RFX3: variants seen among roughly 807,000 people sequenced by gnomAD.
RFX3 encodes the protein regulatory factor X3.
In RFX3, 14 loss-of-function variants were observed where a neutral mutation model predicts 98.6. The observed-to-expected ratio is 0.14, with a 90% confidence interval of 0.09 to 0.22. RFX3 has a LOEUF of 0.22. Among genes scored for constraint, RFX3 ranks in the 10% least tolerant of loss-of-function variants. The pLI, the probability that RFX3 is intolerant of heterozygous loss-of-function variation, is 1.00. For synonymous variants in RFX3, 383 were observed against 328.4 expected, an observed-to-expected ratio of 1.17 and a Z score of -1.80; for missense variants, 639 against 926.9, an observed-to-expected ratio of 0.69 and a Z score of 4.03.
intron 2 of RFX3, among the ~76,000 whole-genome samples, chr9:3,363,577 C>G (rs549512986): frequency 7.9e-5 from 12 of 152,238 alleles, no homozygotes; most frequent in African/African-American, 2.4e-4. Flanking sequence ...GATTATTAAA[C>G]CAGTGCTAAC....
Position 3,351,827 on chromosome 9 carries a change from G to A in RFX3, c.118-5063C>T, listed in dbSNP as rs113266237. Among the ~76,000 whole-genome samples, 346 of 151,924 alleles carry A rather than the reference G, an allele frequency of 2.3e-3. 4 individuals are homozygous for A. Among genetic ancestry groups the A allele is most frequent in the African/African-American group, 7.7e-3 (320 of 41,500 alleles). On this transcript the variant is annotated intron_variant, in intron 2 of 16. Coordinates refer to ENST00000617270, the MANE Select transcript of RFX3 (RefSeq NM_001282116.2). ...ATTAAAGACAATATTTTAAGAAAAC[G>A]AGCATGCTTACATATAGTTAGTAGT...
chr9:3,296,301 C>T (rs949166868), intron 5 of RFX3, among the ~76,000 whole-genome samples: 7 of 151,724 alleles, frequency 4.6e-5, no homozygotes, highest in East Asian at 3.9e-4. Flanking sequence ...TTACAGCAAA[C>T]GTTGGCACAA....
intron 9 of RFX3, among the ~76,000 whole-genome samples, chr9:3,271,734 T>C (rs1824507301): frequency 6.6e-6 from 1 of 151,880 alleles, no homozygotes; most frequent in South Asian, 2.1e-4. Flanking sequence ...GGGTGTGGAG[T>C]TGCTTTTGTG....
chr9:3,239,887 C>T (rs1386072962), intron 15 of RFX3, among the ~76,000 whole-genome samples: 1 of 152,192 alleles, frequency 6.6e-6, no homozygotes, highest in Non-Finnish European at 1.5e-5. Flanking sequence ...AATTCCCTGC[C>T]CCGTGGCTCT....
intron 1 of RFX3, among the ~76,000 whole-genome samples, chr9:3,492,108 C>A (rs1384326050): frequency 6.6e-6 from 1 of 152,136 alleles, no homozygotes; most frequent in Non-Finnish European, 1.5e-5. Flanking sequence ...AGATGCTTGG[C>A]AATGTGCTAG....
chr9:3,285,974 T>C (rs1826540693), intron 7 of RFX3, among the ~76,000 whole-genome samples: 2 of 151,800 alleles, frequency 1.3e-5, no homozygotes, highest in African/African-American at 4.8e-5. Flanking sequence ...GAATGTCCCT[T>C]GAAGGCTTCT....
At chr9:3,351,425 A>G (rs1177215919) in intron 2 of RFX3, among the ~76,000 whole-genome samples, 1 of 151,986 alleles carries the variant, frequency 6.6e-6, no homozygotes, top group Non-Finnish European at 1.5e-5. Flanking sequence ...AAACCTCCCT[A>G]GAAACATTCA....
chr9:3,231,387 C>T (rs563117116), intron 15 of RFX3, among the ~76,000 whole-genome samples: 79 of 152,126 alleles, frequency 5.2e-4, no homozygotes, highest in African/African-American at 1.7e-3. Context: ...GCATGAGATC[C>T]GCAAAATCAG....
At chr9:3,243,524 G>T (rs1820235439) in intron 15 of RFX3, among the ~76,000 whole-genome samples, 1 of 152,070 alleles carries the variant, frequency 6.6e-6, no homozygotes, top group Admixed American at 6.6e-5. Flanking sequence ...CAGCATTAAA[G>T]TCAATTTAAA....
intron 2 of RFX3, among the ~76,000 whole-genome samples, chr9:3,393,416 AC>A (rs1840526450): frequency 1.3e-5 from 2 of 152,166 alleles, no homozygotes; most frequent in African/African-American, 4.8e-5. Flanking sequence ...TACAGAAGGC[AC>A]CTTCCAGAGA....
intron 1 of RFX3, among the ~76,000 whole-genome samples, chr9:3,506,956 A>G (rs903701673): frequency 6.6e-6 from 1 of 151,896 alleles, no homozygotes; most frequent in Non-Finnish European, 1.5e-5. Flanking sequence ...AACTAGACAA[A>G]ATTTTTAAAT....
intron 15 of RFX3, among the ~76,000 whole-genome samples, chr9:3,243,119 G>A (rs1253955118): frequency 6.6e-6 from 1 of 151,844 alleles, no homozygotes; most frequent in African/African-American, 2.4e-5. Context: ...AATTTGTCTG[G>A]TCAGAGTTGT....
intron 15 of RFX3, among the ~76,000 whole-genome samples, chr9:3,230,307 TA>T (rs1402430469): frequency 6.6e-6 from 1 of 152,192 alleles, no homozygotes; most frequent in African/African-American, 2.4e-5. Flanking sequence ...CCTAGACATG[TA>T]ATTATTAGTA....
At position 3,367,245 on chromosome 9, in the gene RFX3, G is replaced by A. The variant is rs190443720; in HGVS notation, c.118-20481C>T. On this transcript the variant is annotated intron_variant, in intron 2 of 16. Coordinates refer to ENST00000617270, the MANE Select transcript of RFX3 (RefSeq NM_001282116.2). ...GCAGTCAGAGTCAATACATAAGGCC[G>A]TATTGTTGCTTTGAAAATGGAGGGG... is the stretch of plus-strand genomic sequence containing the variant. Among the ~76,000 whole-genome samples, 469 of 152,216 alleles carry A rather than the reference G, an allele frequency of 3.1e-3. 7 individuals carry two copies. The highest frequency in any genetic ancestry group is 1.0e-3 in the Non-Finnish European group (68 of 68,012).
At position 3,274,674 on chromosome 9, in the gene RFX3, A is replaced by G. The variant is rs10971054; in HGVS notation, c.1086+826T>C. On this transcript the variant is annotated intron_variant, in intron 9 of 16. Transcript: ENST00000617270. ...GAACACCTAAGGTGGTTTATTAAAC[A>G]TTTCCAGAAATTATTTTAATAGAAA... Among the ~76,000 whole-genome samples, 595 of 152,262 alleles carry G rather than the reference A, an allele frequency of 3.9e-3. 8 individuals are homozygous for G. The highest frequency in any genetic ancestry group is 0.025 in the Admixed American group (378 of 15,284).
intron 14 of RFX3, among the ~76,000 whole-genome samples, chr9:3,251,562 G>A (rs1821403914): frequency 6.6e-6 from 1 of 151,652 alleles, no homozygotes; most frequent in African/African-American, 2.4e-5. Context: ...CGAACTCCTG[G>A]ACTCAACTGA....
intron 6 of RFX3, among the ~76,000 whole-genome samples, chr9:3,290,034 T>C (rs1284980304): frequency 6.6e-6 from 1 of 152,150 alleles, no homozygotes. Flanking sequence ...ACAGTTTCTA[T>C]GGTAGAAAGA....
chr9:3,256,906 T>A (rs113462937), intron 14 of RFX3, 85 bp downstream of exon 14: 2 of 1,268,328 alleles, frequency 1.6e-6, no homozygotes, highest in Non-Finnish European at 2.2e-6. Context: ...TTTCTTTTCT[T>A]TTGTCACAGA....
intron 3 of RFX3, chr9:3,344,866 CA>C (rs1426830892): frequency 1.4e-6 from 1 of 715,596 alleles, no homozygotes; most frequent in African/African-American, 1.8e-5. Context: ...AATCATGCTC[CA>C]GGGGGCCCTG....
Sources: allele counts gnomAD v4.1 joint callset (sites outside exome capture counted in the v4.1 genomes callset), GRCh38; gene constraint gnomAD v4.1.1; transcripts MANE v1.5; gene names NCBI Gene and HGNC (gene_info 2026-07-23, HGNC 2026-07-21).